RIPOR3: variants seen among roughly 807,000 people sequenced by gnomAD.
The protein encoded by RIPOR3 is family with sequence similarity 65 member C.
RIPOR3 carries 95 observed loss-of-function variants against 114.3 expected under a neutral mutation model. The observed-to-expected ratio is 0.83, with a 90% CI of 0.70 to 0.99. RIPOR3 has a LOEUF of 0.99. RIPOR3 is among the 50% of genes least tolerant of loss of function. The pLI, the probability that RIPOR3 is intolerant of heterozygous loss-of-function variation, is 0.00. For synonymous variants in RIPOR3, 575 were observed against 543.8 expected (o/e 1.06, Z -0.80); for missense variants, 1,252 against 1,266.9 (o/e 0.99, Z 0.18).
intron 2 of RIPOR3, among the ~76,000 whole-genome samples, chr20:50,624,454 C>G (rs2084544642): frequency 6.6e-6 from 1 of 152,200 alleles, no homozygotes; most frequent in South Asian, 2.1e-4. Context: ...ACCTTATACC[C>G]TCGCTGCTGC....
chr20:50,593,175 T>C lies in RIPOR3; in HGVS notation c.2234A>G (p.Gln745Arg). The C allele has an allele frequency of 6.2e-7, 1 of 1,613,260 alleles. No homozygotes were observed. The highest frequency in any genetic ancestry group is 8.5e-7 in the Non-Finnish European group (1 of 1,180,020). ...LEIACRRLLE[Q>R]VVSCGGLLPG... ...GAGCAGCCCACCACAGCTGACCACCTGCTCCAGGAGCCTGCGGCACGCTGG... is the reference window on the plus strand; with the variant it reads ...GAGCAGCCCACCACAGCTGACCACCCGCTCCAGGAGCCTGCGGCACGCTGG... Residue 745 changes from glutamine (Q) to arginine (R), a missense_variant, in exon 18 of 22, where the codon CAG becomes CGG. Coordinates refer to ENST00000327979, the MANE Select transcript of RIPOR3 (RefSeq NM_001290268.2).
rs1351246438 is a variant in RIPOR3 at position 50,608,603 on chromosome 20, C to T, written c.810+10G>A. On this transcript the variant is annotated intron_variant, in intron 10 of 21. Coordinates refer to ENST00000327979, the MANE Select transcript of RIPOR3 (RefSeq NM_001290268.2). The stretch of plus-strand genomic sequence containing the variant: ...GGCACCCCAGCCCTGCCCCCGGGCC[C>T]CATCCCCACCTTGATGTCCAGGTTC... 1 of 1,613,934 alleles carries T rather than the reference C, an allele frequency of 6.2e-7. No individual in the cohort carries two copies.
intron 1 of RIPOR3, among the ~76,000 whole-genome samples, chr20:50,685,437 G>A (rs1016913963): frequency 7.2e-4 from 108 of 150,570 alleles, no homozygotes; most frequent in African/African-American, 2.5e-3. Context: ...GGCTTGTCTT[G>A]AACTCCTGAC....
chr20:50,611,991 G>A (rs764542936), intron 4 of RIPOR3, among the ~76,000 whole-genome samples: 18 of 152,052 alleles, frequency 1.2e-4, no homozygotes, highest in Non-Finnish European at 2.1e-4. Flanking sequence ...GGGTGTGGTG[G>A]TGCATGCCTG....
intron 1 of RIPOR3, among the ~76,000 whole-genome samples, chr20:50,678,699 G>T (rs1321390398): frequency 6.6e-6 from 1 of 152,152 alleles, no homozygotes; most frequent in Non-Finnish European, 1.5e-5. Flanking sequence ...AAGAGTGGGG[G>T]AGTCTTGAAT....
At chr20:50,612,875 C>T (rs137992904) in intron 4 of RIPOR3, among the ~76,000 whole-genome samples, 3,698 of 152,216 alleles carry the variant, frequency 0.024, 93 homozygotes, top group African/African-American at 0.058. Flanking sequence ...GGAGGATCAC[C>T]TGAGCCCAGG....
At chr20:50,669,067 C>A (rs1363847641) in intron 1 of RIPOR3, among the ~76,000 whole-genome samples, 12 of 152,092 alleles carry the variant, frequency 7.9e-5, no homozygotes, top group Non-Finnish European at 1.5e-4. Context: ...CTCACATATA[C>A]ATTATACACA....
At chr20:50,605,986 C>A (rs1346052994) in intron 11 of RIPOR3, among the ~76,000 whole-genome samples, 1 of 151,490 alleles carries the variant, frequency 6.6e-6, no homozygotes, top group Non-Finnish European at 1.5e-5. Context: ...GGTGGATCGC[C>A]TGAGGTCAGG....
chr20:50,610,443 G>A (rs1202904803), intron 6 of RIPOR3, among the ~76,000 whole-genome samples: 5 of 152,160 alleles, frequency 3.3e-5, no homozygotes, highest in African/African-American at 9.7e-5. Flanking sequence ...TCATGAAACC[G>A]TTTGCAGACT....
rs1355034017 is a variant in RIPOR3 at position 50,610,105 on chromosome 20, T to G, written c.427-383A>C. On this transcript the variant is annotated intron_variant, in intron 6 of 21. Coordinates refer to ENST00000327979, the MANE Select transcript of RIPOR3 (RefSeq NM_001290268.2). ...CCACCCCTGCCTCACCTGCCACCCC[T>G]GCCTCACCTGCCACCCCGGCCTCAC... Among the ~76,000 whole-genome samples, 185 of 76,296 alleles carry G rather than the reference T, an allele frequency of 2.4e-3. 1 individual carries two copies. Among genetic ancestry groups the G allele is most frequent in the Middle Eastern group, 0.022 (3 of 136 alleles). The allele number at this position is 76,296 out of a possible 152,430, so 50.1% of individuals were successfully genotyped here.
At chr20:50,618,327 T>A (rs547569187) in intron 3 of RIPOR3, among the ~76,000 whole-genome samples, 15 of 134,870 alleles carry the variant, frequency 1.1e-4, no homozygotes, top group African/African-American at 4.4e-4. Flanking sequence ...GAATTTAGGG[T>A]CTAAGTACCA....
At chr20:50,595,542 C>T (rs972785587) in intron 15 of RIPOR3, 38 bp from the exon 16 acceptor site, 3 of 1,606,134 alleles carry the variant, frequency 1.9e-6, no homozygotes, top group Non-Finnish European at 2.6e-6. Context: ...TAGCATGGAA[C>T]ATGCCCACCG....
At chr20:50,610,012 A>ACCTGCCACCCCTGCCTCC (rs2083903562) in intron 6 of RIPOR3, among the ~76,000 whole-genome samples, 3 of 29,196 alleles carry the variant, frequency 1.0e-4, no homozygotes, top group Non-Finnish European at 2.1e-4. Context: ...CCCCTGCCTC[A>ACCTGCCACCCCTGCCTCC]CCTGCCACCC....
At chr20:50,593,260 G>C in intron 17 of RIPOR3, 64 bp from the exon 18 acceptor site, 1 of 1,552,036 alleles carries the variant, frequency 6.4e-7, no homozygotes, top group South Asian at 1.2e-5. Flanking sequence ...TTCTCAGCTG[G>C]GAGTAGCCTG....
At position 50,616,197 on chromosome 20, in the gene RIPOR3, G is replaced by A. The variant is rs2084167370; in HGVS notation, c.270-117C>T. 41 of 987,352 alleles carry A rather than the reference G, an allele frequency of 4.2e-5. No individual in the cohort carries two copies. The South Asian group carries it at 6.3e-4, about 15-fold the overall frequency. 61.2% of individuals were successfully genotyped at this position (987,352 alleles called of 1,614,324 possible). On this transcript the variant is annotated intron_variant, in intron 3 of 21. Transcript: ENST00000327979. ...CAGACACGGGGCTCAGCGGGGCTCA[G>A]AGGCAGGTAGGAAGCCAGGCTCCCT...
At chr20:50,594,979 T>A (rs1233667052) in intron 16 of RIPOR3, 2 of 511,228 alleles carry the variant, frequency 3.9e-6, no homozygotes, top group Non-Finnish European at 7.0e-6. Context: ...GAACCTGGCC[T>A]TCTGAGGGGA....
intron 1 of RIPOR3, 82 bp downstream of exon 1, chr20:50,691,044 C>T: frequency 3.9e-6 from 5 of 1,288,376 alleles, no homozygotes; most frequent in Non-Finnish European, 5.1e-6. Context: ...CGGCTGCCTC[C>T]TCCTGTCACC....
At chr20:50,589,124 T>C (rs1272439494) in intron 20 of RIPOR3, among the ~76,000 whole-genome samples, 1 of 145,166 alleles carries the variant, frequency 6.9e-6, no homozygotes, top group Non-Finnish European at 1.5e-5. Flanking sequence ...GCTAAAGTGC[T>C]GCCAGTCTAA....
intron 13 of RIPOR3, among the ~76,000 whole-genome samples, chr20:50,598,939 A>G (rs965572788): frequency 4.6e-5 from 7 of 151,438 alleles, no homozygotes; most frequent in Non-Finnish European, 5.9e-5. Flanking sequence ...GTTATGTTCT[A>G]TAAAATCACA....
Sources: gnomAD v4.1 joint callset for allele counts (sites outside exome capture counted in the v4.1 genomes callset) on GRCh38, gnomAD v4.1.1 for gene constraint, MANE v1.5 for transcripts, NCBI Gene and HGNC (gene_info 2026-07-23, HGNC 2026-07-21) for gene names.